The following UBASH3B variants were observed in gnomAD, a reference collection of about 807,000 sequenced individuals.
The protein encoded by UBASH3B is ubiquitin-associated and SH3 domain-containing protein B.
Under a neutral mutation model 83.4 loss-of-function variants are expected in UBASH3B, and 37 were observed. That is an observed-to-expected ratio of 0.44 (90% CI 0.34 to 0.58). The LOEUF is 0.58. Ranked by LOEUF, UBASH3B falls within the 20% of genes least tolerant of loss-of-function variation. The pLI is 0.01. For synonymous variants in UBASH3B, 304 were observed against 318.3 expected, an observed-to-expected ratio of 0.96 and a Z score of 0.48; for missense variants, 657 against 827.2, an observed-to-expected ratio of 0.79 and a Z score of 2.52.
At chr11:122,707,844 G>A (rs1254125429) in intron 1 of UBASH3B, among the ~76,000 whole-genome samples, 3 of 151,882 alleles carry the variant, frequency 2.0e-5, no homozygotes, top group Non-Finnish European at 2.9e-5. Flanking sequence ...ACAGGTGTGC[G>A]CCACCACACC....
intron 4 of UBASH3B, among the ~76,000 whole-genome samples, chr11:122,781,327 G>A (rs936216491): frequency 9.9e-5 from 15 of 152,152 alleles, no homozygotes; most frequent in African/African-American, 3.1e-4. Context: ...TCAAGGAAAT[G>A]GCTTTCTCTC....
intron 1 of UBASH3B, among the ~76,000 whole-genome samples, chr11:122,692,017 A>G (rs1393663080): frequency 6.6e-6 from 1 of 152,120 alleles, no homozygotes. Context: ...AGAACACTGG[A>G]GCTTTTCAGG....
chr11:122,674,111 AAATT>A (rs1330193618), intron 1 of UBASH3B, among the ~76,000 whole-genome samples: 3 of 152,214 alleles, frequency 2.0e-5, no homozygotes. Context: ...ACAAAAATAA[AAATT>A]AAATTATATC....
At chr11:122,762,501 T>C (rs1861387702) in intron 1 of UBASH3B, among the ~76,000 whole-genome samples, 1 of 152,168 alleles carries the variant, frequency 6.6e-6, no homozygotes, top group Admixed American at 6.5e-5. Context: ...ACACCCTCCA[T>C]TGACAGCCTA....
intron 1 of UBASH3B, among the ~76,000 whole-genome samples, chr11:122,763,053 T>C (rs2135978104): frequency 6.6e-6 from 1 of 152,186 alleles, no homozygotes; most frequent in African/African-American, 2.4e-5. Context: ...GGAAAGTGAG[T>C]TTTAGGATAA....
intron 1 of UBASH3B, among the ~76,000 whole-genome samples, chr11:122,703,196 G>C (rs1864067677): frequency 6.6e-6 from 1 of 152,100 alleles, no homozygotes; most frequent in South Asian, 2.1e-4. Flanking sequence ...GGGAGGCTGA[G>C]GTGGGCGGAT....
At position 122,656,100 on chromosome 11, in the gene UBASH3B, G is replaced by T; in HGVS notation, c.51G>T (p.Glu17Asp). 1 of 1,602,568 alleles carries T rather than the reference G, an allele frequency of 6.2e-7. No individual in the cohort carries two copies. Among genetic ancestry groups the T allele is most frequent in the Non-Finnish European group, 8.5e-7 (1 of 1,175,698 alleles). ...CGCTCGGCATGGCTGCGAGAGAGGA[G>T]CTGTACAGCAAAGTCACCCCCCGGA... ...PSPLGMAAREELYSKVTPRRN... is the reference protein window; with the variant it reads ...PSPLGMAAREDLYSKVTPRRN... The change falls in exon 1 of 14, where the codon GAG becomes GAT. Residue 17 changes from glutamate to aspartate, a missense_variant. Coordinates refer to ENST00000284273, the MANE Select transcript of UBASH3B (RefSeq NM_032873.5).
At chr11:122,734,039 C>T (rs1044394771) in intron 1 of UBASH3B, among the ~76,000 whole-genome samples, 4 of 152,120 alleles carry the variant, frequency 2.6e-5, no homozygotes, top group African/African-American at 4.8e-5. Flanking sequence ...GTGTGCACCA[C>T]CACACCTCAT....
Position 122,812,537 on chromosome 11 carries a change from G to A in UBASH3B, c.*2651G>A, listed in dbSNP as rs1488387266. 1.3e-5 allele frequency: 2 copies of A among 152,192 alleles called. No individual in the cohort carries two copies. Among genetic ancestry groups the A allele is most frequent in the Non-Finnish European group, 2.9e-5 (2 of 68,038 alleles). The allele number at this position is 152,192 out of a possible 1,614,324, so 9.4% of individuals were successfully genotyped here. A position where few individuals can be genotyped will look rare whatever the true frequency, so the allele number is the denominator to read the frequency against. On this transcript the variant is annotated 3_prime_UTR_variant, in exon 14 of 14. Coordinates refer to ENST00000284273, the MANE Select transcript of UBASH3B (RefSeq NM_032873.5). The stretch of plus-strand genomic sequence containing the variant: ...GATGTATGGGGAGAGGAGAAGGAAG[G>A]GCAAGGAAGGAATTGACAGATAAGA...
At chr11:122,666,560 A>G (rs996833844) in intron 1 of UBASH3B, among the ~76,000 whole-genome samples, 9 of 151,942 alleles carry the variant, frequency 5.9e-5, no homozygotes, top group African/African-American at 1.5e-4. Context: ...CTGGGATTAC[A>G]GGCGCGCGCC....
intron 1 of UBASH3B, among the ~76,000 whole-genome samples, chr11:122,672,174 G>C (rs773413914): frequency 6.6e-6 from 1 of 151,850 alleles, no homozygotes; most frequent in Non-Finnish European, 1.5e-5. Context: ...TCATGAATAA[G>C]ACCCTGACCA....
chr11:122,755,952 G>A (rs1020734807), intron 1 of UBASH3B, among the ~76,000 whole-genome samples: 3 of 152,146 alleles, frequency 2.0e-5, no homozygotes, highest in African/African-American at 7.2e-5. Context: ...ACATTGCAGT[G>A]TTCCTCTCCC....
intron 1 of UBASH3B, among the ~76,000 whole-genome samples, chr11:122,687,066 A>T (rs1250533653): frequency 6.6e-6 from 1 of 151,958 alleles, no homozygotes. Context: ...TGGGGGTTTC[A>T]CCATGTTGGC....
rs1274741380 is a variant in UBASH3B at position 122,789,282 on chromosome 11, T to C, written c.954T>C (p.Asp318=). 6.2e-7 allele frequency: 1 copy of C among 1,614,094 alleles called. No individual in the cohort carries two copies. Among genetic ancestry groups the C allele is most frequent in the Non-Finnish European group, 8.5e-7 (1 of 1,180,042 alleles). Residue 318 remains aspartate, a synonymous_variant, in exon 6 of 14, where the codon GAT becomes GAC. Coordinates refer to ENST00000284273, the MANE Select transcript of UBASH3B (RefSeq NM_032873.5). ...CTGAGAATTACATTACCAAGGCTGA[T>C]GAATGCAGCACCTGGATATTTCATG... The part of the protein sequence containing the change: ...LLPENYITKA[D]ECSTWIFHGS...
rs376148822 is a variant in UBASH3B, at chr11:122,809,934, T to A, written c.*48T>A. ...AAAGGCCTTTTGGAGTGTGTCTTTC[T>A]GTGTGTTTAAAAACAGTGGGAAAAT... On this transcript the variant is annotated 3_prime_UTR_variant, in exon 14 of 14. Coordinates refer to ENST00000284273, the MANE Select transcript of UBASH3B (RefSeq NM_032873.5). 33 of 1,597,360 alleles carry A rather than the reference T, an allele frequency of 2.1e-5. No individual in the cohort carries two copies. The highest frequency in any genetic ancestry group is 2.6e-5 in the Non-Finnish European group (31 of 1,173,574).
rs530974117 is a variant in UBASH3B at position 122,758,336 on chromosome 11, C to A, written c.162-17883C>A. On this transcript the variant is annotated intron_variant, in intron 1 of 13. Coordinates refer to ENST00000284273, the MANE Select transcript of UBASH3B (RefSeq NM_032873.5). This position sits in a 1 kb window ranked among gnomAD's most constrained non-coding sequence, Gnocchi z 4.2. The stretch of plus-strand genomic sequence containing the variant: ...AATAATTTCAGGAAATTGAGCGTAA[C>A]CTTTCTTAGCAGCTTAGCAGTGGTG... 2.0e-5 allele frequency among the ~76,000 whole-genome samples: 3 copies of A among 152,338 alleles called. No homozygotes were observed. Among genetic ancestry groups the A allele is most frequent in the Admixed American group, 6.5e-5 (1 of 15,308 alleles).
intron 1 of UBASH3B, among the ~76,000 whole-genome samples, chr11:122,769,031 C>T (rs750331804): frequency 6.6e-6 from 1 of 152,114 alleles, no homozygotes; most frequent in Non-Finnish European, 1.5e-5. Flanking sequence ...GTAGCTTAGT[C>T]CATTTTTATT....
chr11:122,745,839 G>A (rs1861109186), intron 1 of UBASH3B, among the ~76,000 whole-genome samples: 3 of 152,184 alleles, frequency 2.0e-5, no homozygotes, highest in African/African-American at 4.8e-5. Context: ...CCCTTCTGGG[G>A]CAGAGGTCAT....
chr11:122,710,301 T>G (rs1162379465), intron 1 of UBASH3B, among the ~76,000 whole-genome samples: 2 of 152,104 alleles, frequency 1.3e-5, no homozygotes, highest in Non-Finnish European at 2.9e-5. Flanking sequence ...GAAAGGCATT[T>G]AGGAGGAGGC....
Sources: allele counts gnomAD v4.1 joint callset (sites outside exome capture counted in the v4.1 genomes callset), GRCh38; gene constraint gnomAD v4.1.1; non-coding constraint Gnocchi (gnomAD v3.1); transcripts MANE v1.5; gene names NCBI Gene and HGNC (gene_info 2026-07-23, HGNC 2026-07-21).